ERC1: variants seen among roughly 807,000 people sequenced by gnomAD.
ERC1 encodes the protein RAB6 interacting protein 2.
A neutral mutation model predicts 132.0 loss-of-function variants in ERC1; 56 were observed. That is an observed-to-expected ratio of 0.42 (90% CI 0.34 to 0.53). The LOEUF (loss-of-function observed/expected upper bound fraction) is 0.53, where lower values mean the gene tolerates loss of function less well. Ranked by LOEUF, ERC1 falls within the 20% of genes least tolerant of loss-of-function variation. The pLI is 0.03. For synonymous variants in ERC1, 478 were observed against 476.1 expected, an observed-to-expected ratio of 1.00 and a Z score of -0.05; for missense variants, 1,202 against 1,349.9, an observed-to-expected ratio of 0.89 and a Z score of 1.72.
chr12:1,494,359 T>C lies in ERC1; in HGVS notation c.*4129T>C. 1 of 231,630 alleles carries C rather than the reference T, an allele frequency of 4.3e-6. No individual in the cohort carries two copies. Among genetic ancestry groups the C allele is most frequent in the Non-Finnish European group, 8.5e-6 (1 of 117,136 alleles). The allele number at this position is 231,630 out of a possible 1,614,324, so 14.3% of individuals were successfully genotyped here. On this transcript the variant is annotated 3_prime_UTR_variant, in exon 19 of 19. Transcript: ENST00000360905. ...AATGTCTTAAAGAGGATCTGGAGTT[T>C]CCCCCATGCAAATTAGGGAAGAATT... is the stretch of plus-strand genomic sequence containing the variant.
chr12:1,003,609 G>A (rs1428433639), intron 1 of ERC1, among the ~76,000 whole-genome samples: 6 of 152,124 alleles, frequency 3.9e-5, no homozygotes, highest in Admixed American at 3.9e-4. Flanking sequence ...GATAGGAGAC[G>A]TCATTGTCTT....
At chr12:1,247,996 C>G (rs1177817293) in intron 13 of ERC1, among the ~76,000 whole-genome samples, 1 of 151,700 alleles carries the variant, frequency 6.6e-6, no homozygotes, top group African/African-American at 2.4e-5. Context: ...AACTGCATCT[C>G]AAAAAAATAA....
intron 13 of ERC1, among the ~76,000 whole-genome samples, chr12:1,260,722 T>C (rs2077089353): frequency 6.6e-6 from 1 of 152,248 alleles, no homozygotes. Context: ...GAGAGAGATA[T>C]TTGCCGTCTT....
At chr12:1,215,925 A>C (rs1468838268) in intron 12 of ERC1, among the ~76,000 whole-genome samples, 1 of 152,202 alleles carries the variant, frequency 6.6e-6, no homozygotes, top group East Asian at 1.9e-4. Context: ...GTGGGAATAT[A>C]AACAACTTTT....
chr12:1,166,020 C>T (rs1194890235), intron 8 of ERC1, among the ~76,000 whole-genome samples: 2 of 152,084 alleles, frequency 1.3e-5, no homozygotes, highest in Non-Finnish European at 1.5e-5. Context: ...ATGAGACCTT[C>T]GACTGTGAAC....
intron 13 of ERC1, 98 bp downstream of exon 13, chr12:1,237,002 C>T: frequency 7.2e-7 from 1 of 1,395,492 alleles, no homozygotes; most frequent in Non-Finnish European, 9.8e-7. Flanking sequence ...TCTTTTTTCT[C>T]TTTCTAACCC....
chr12:1,419,382 G>A (rs73597953), intron 17 of ERC1, among the ~76,000 whole-genome samples: 2,857 of 151,334 alleles, frequency 0.019, 82 homozygotes, highest in African/African-American at 0.066. Context: ...ATTTCTTTAT[G>A]TAGATATGAC....
intron 17 of ERC1, among the ~76,000 whole-genome samples, chr12:1,441,096 A>T (rs546167494): frequency 6.6e-6 from 1 of 151,522 alleles, no homozygotes; most frequent in Non-Finnish European, 1.5e-5. Flanking sequence ...TCTTGCTGCA[A>T]TGCCCAGCCT....
At chr12:1,287,887 A>T in intron 14 of ERC1, among the ~76,000 whole-genome samples, 1 of 152,244 alleles carries the variant, frequency 6.6e-6, no homozygotes, top group East Asian at 1.9e-4. Flanking sequence ...ACTAAGGTAC[A>T]GACAATACCA....
At chr12:1,162,246 T>A (rs140011072) in intron 8 of ERC1, among the ~76,000 whole-genome samples, 2 of 152,344 alleles carry the variant, frequency 1.3e-5, no homozygotes, top group East Asian at 3.9e-4. Flanking sequence ...AGTAGTTCTG[T>A]GTTACAGTAA....
At chr12:1,100,062 C>T (rs1944494488) in intron 3 of ERC1, among the ~76,000 whole-genome samples, 1 of 151,836 alleles carries the variant, frequency 6.6e-6, no homozygotes, top group Non-Finnish European at 1.5e-5. Flanking sequence ...GTTGGCCAGG[C>T]TGGTCTTGAA....
At chr12:1,178,340 C>T (rs965346989) in intron 8 of ERC1, among the ~76,000 whole-genome samples, 5 of 152,066 alleles carry the variant, frequency 3.3e-5, no homozygotes, top group Non-Finnish European at 7.4e-5. Context: ...ATATTTTATT[C>T]ATTTATTGAT....
intron 18 of ERC1, among the ~76,000 whole-genome samples, chr12:1,483,940 TGCCTCG>T (rs2094144894): frequency 6.6e-6 from 1 of 150,986 alleles, no homozygotes; most frequent in East Asian, 2.0e-4. Flanking sequence ...GTGATCCACC[TGCCTCG>T]GCCTCCCTGA....
chr12:1,010,969 T>C (rs1320918983), intron 1 of ERC1, among the ~76,000 whole-genome samples: 7 of 152,158 alleles, frequency 4.6e-5, no homozygotes, highest in Non-Finnish European at 8.8e-5. Flanking sequence ...CTTACTGCCT[T>C]ATTTGTGGTA....
intron 16 of ERC1, among the ~76,000 whole-genome samples, chr12:1,393,422 G>T (rs1263058389): frequency 2.0e-5 from 3 of 152,108 alleles, no homozygotes; most frequent in Admixed American, 6.5e-5. Context: ...GTAGTCCCAG[G>T]CCTTAGGAAG....
chr12:1,010,480 C>CAA (rs71055122), intron 1 of ERC1, among the ~76,000 whole-genome samples: 68 of 93,456 alleles, frequency 7.3e-4, no homozygotes, highest in Middle Eastern at 6.2e-3. Context: ...ACTCTGTCTC[C>CAA]AAAAAAAAAA....
At chr12:1,138,940 C>T (rs1949614236) in intron 7 of ERC1, among the ~76,000 whole-genome samples, 1 of 152,198 alleles carries the variant, frequency 6.6e-6, no homozygotes, top group African/African-American at 2.4e-5. Context: ...CTTGGGCCTG[C>T]TATCTCCTCT....
intron 15 of ERC1, among the ~76,000 whole-genome samples, chr12:1,318,856 T>C (rs1243382130): frequency 6.6e-6 from 1 of 152,082 alleles, no homozygotes; most frequent in Non-Finnish European, 1.5e-5. Flanking sequence ...GAGATCAGTT[T>C]ACGGGCTGCA....
chr12:1,274,777 C>T (rs2078144647), intron 14 of ERC1, among the ~76,000 whole-genome samples: 1 of 152,162 alleles, frequency 6.6e-6, no homozygotes, highest in Non-Finnish European at 1.5e-5. Context: ...AGGCATGAGC[C>T]ACCGTGCCTA....
Sources: gnomAD v4.1 joint callset for allele counts (sites outside exome capture counted in the v4.1 genomes callset) on GRCh38, gnomAD v4.1.1 for gene constraint, MANE v1.5 for transcripts, NCBI Gene and HGNC (gene_info 2026-07-23, HGNC 2026-07-21) for gene names.